DAPP1: variants seen among roughly 807,000 people sequenced by gnomAD.
DAPP1 encodes the protein dual adapter for phosphotyrosine and 3-phosphotyrosine and 3-phosphoinositide.
Under a neutral mutation model 41.5 loss-of-function variants are expected in DAPP1, and 20 were observed. The ratio of observed to expected loss-of-function variants is 0.48; its 90% CI spans 0.34 to 0.70. The LOEUF (loss-of-function observed/expected upper bound fraction) is 0.70, where lower values mean the gene tolerates loss of function less well. DAPP1 is among the 30% of genes least tolerant of loss of function. The probability of loss-of-function intolerance (pLI) is 0.01; values close to 1 mark genes in which losing one functional copy is unlikely to be tolerated. For synonymous variants in DAPP1, 113 were observed against 116.2 expected, an observed-to-expected ratio of 0.97 and a Z score of 0.18; for missense variants, 233 against 333.4, an observed-to-expected ratio of 0.70 and a Z score of 2.35.
intron 3 of DAPP1, among the ~76,000 whole-genome samples, chr4:99,842,497 C>A (rs1384069905): frequency 6.6e-6 from 1 of 152,224 alleles, no homozygotes; most frequent in Non-Finnish European, 1.5e-5. Flanking sequence ...CAGCTTTATT[C>A]CTCTTATCTG....
chr4:99,823,674 C>G (rs371626296), intron 1 of DAPP1, among the ~76,000 whole-genome samples: 1 of 152,148 alleles, frequency 6.6e-6, no homozygotes. Flanking sequence ...TGTGGACTCA[C>G]TGAAGGTTCA....
Position 99,868,393 on chromosome 4 carries a change from A to T in DAPP1, c.*208A>T. ...TGTTGCCATCTCCTTGAGAACACTG[A>T]AGCAATCACCATTCTGATAGAAAGT... On this transcript the variant is annotated 3_prime_UTR_variant, in exon 9 of 9. Transcript: ENST00000512369. 1.7e-6 allele frequency: 1 copy of T among 580,908 alleles called. No homozygotes were observed. Among genetic ancestry groups the T allele is most frequent in the Non-Finnish European group, 3.1e-6 (1 of 325,526 alleles). The allele number at this position is 580,908 out of a possible 1,614,324, so 36.0% of individuals were successfully genotyped here.
chr4:99,845,664 A>T lies in DAPP1; in HGVS notation c.358+5242A>T, dbSNP rs569383592. Among the ~76,000 whole-genome samples the T allele has an allele frequency of 1.2e-3, 182 of 152,354 alleles. 1 individual carries two copies. The highest frequency in any genetic ancestry group is 4.3e-3 in the African/African-American group (177 of 41,592). Reference sequence around the variant, plus strand: ...TAAACCTATTGTTCTAAAGAGTGTGAATCAACTTTAACTTCTGCCTTTGTA... The same window carrying T: ...TAAACCTATTGTTCTAAAGAGTGTGTATCAACTTTAACTTCTGCCTTTGTA... On this transcript the variant is annotated intron_variant, in intron 3 of 8. Coordinates refer to ENST00000512369, the MANE Select transcript of DAPP1 (RefSeq NM_014395.3).
intron 1 of DAPP1, among the ~76,000 whole-genome samples, chr4:99,835,385 C>CA (rs1655924544): frequency 6.6e-6 from 1 of 152,144 alleles, no homozygotes; most frequent in African/African-American, 2.4e-5. Context: ...GTTAGCACTT[C>CA]AACATAAGAA....
At chr4:99,827,114 T>C (rs796568769) in intron 1 of DAPP1, among the ~76,000 whole-genome samples, 17 of 152,176 alleles carry the variant, frequency 1.1e-4, no homozygotes. Context: ...CTAAAGTGCA[T>C]AACAATCACG....
chr4:99,862,912 C>A, intron 5 of DAPP1, 98 bp from the exon 6 acceptor site: 1 of 912,838 alleles, frequency 1.1e-6, no homozygotes. Context: ...TTTTTAGATA[C>A]TTTTAAAATG....
chr4:99,861,616 C>T lies in DAPP1; in HGVS notation c.528C>T (p.Gly176=). Residue 176 remains glycine, a synonymous_variant, in exon 5 of 9, where the codon GGC becomes GGT. Coordinates refer to ENST00000512369, the MANE Select transcript of DAPP1 (RefSeq NM_014395.3). ...AAGGTTACCTCACCAAACAGGGAGG[C>T]CTGGTCAAGGTAAGGAAGTGTGGTT... The part of the protein sequence containing the change: ...TKEGYLTKQG[G]LVKTWKTRWF... 1 of 1,573,590 alleles carries T rather than the reference C, an allele frequency of 6.4e-7. No homozygotes were observed. The highest frequency in any genetic ancestry group is 8.6e-7 in the Non-Finnish European group (1 of 1,158,420).
intron 4 of DAPP1, among the ~76,000 whole-genome samples, chr4:99,855,085 A>G (rs554180427): frequency 3.3e-5 from 5 of 152,350 alleles, no homozygotes; most frequent in Middle Eastern, 3.4e-3. Flanking sequence ...AACTTGAGAA[A>G]TTTAGGAGTG....
At position 99,861,601 on chromosome 4, in the gene DAPP1, C is replaced by T; in HGVS notation, c.513C>T (p.Leu171=). The change falls in exon 5 of 9, where the codon CTC becomes CTT. Residue 171 remains leucine, a synonymous_variant. Coordinates refer to ENST00000512369, the MANE Select transcript of DAPP1 (RefSeq NM_014395.3). Reference sequence around the variant, plus strand: ...AGCTGGGCACCAAAGAAGGTTACCTCACCAAACAGGGAGGCCTGGTCAAGG... The same window carrying T: ...AGCTGGGCACCAAAGAAGGTTACCTTACCAAACAGGGAGGCCTGGTCAAGG... The part of the protein sequence containing the change: ...APSLGTKEGY[L]TKQGGLVKTW... 1 of 1,574,220 alleles carries T rather than the reference C, an allele frequency of 6.4e-7. No homozygotes were observed. Among genetic ancestry groups the T allele is most frequent in the Non-Finnish European group, 8.6e-7 (1 of 1,158,748 alleles).
intron 3 of DAPP1, among the ~76,000 whole-genome samples, chr4:99,846,527 AATT>A (rs1459165244): frequency 3.3e-5 from 5 of 152,186 alleles, no homozygotes; most frequent in Non-Finnish European, 5.9e-5. Flanking sequence ...AGTATTCAAT[AATT>A]ATTATTCATA....
chr4:99,824,505 C>A (rs1301163900), intron 1 of DAPP1, among the ~76,000 whole-genome samples: 4 of 152,178 alleles, frequency 2.6e-5, no homozygotes, highest in Admixed American at 2.6e-4. Context: ...GAAGAGATAA[C>A]TAATGAAACA....
intron 1 of DAPP1, among the ~76,000 whole-genome samples, chr4:99,830,845 G>A (rs542782592): frequency 1.7e-4 from 26 of 152,164 alleles, no homozygotes; most frequent in Admixed American, 6.5e-4. Context: ...TACTCAATAA[G>A]CAGTAGTTGA....
chr4:99,855,586 GC>G (rs1724018604), intron 4 of DAPP1, among the ~76,000 whole-genome samples: 1 of 152,138 alleles, frequency 6.6e-6, no homozygotes, highest in East Asian at 1.9e-4. Flanking sequence ...ATAATGACAA[GC>G]TTATGAAGTT....
intron 4 of DAPP1, among the ~76,000 whole-genome samples, chr4:99,857,106 A>G (rs1724070281): frequency 1.3e-5 from 2 of 152,242 alleles, no homozygotes; most frequent in Admixed American, 6.5e-5. Context: ...GGGGCTAACT[A>G]TTCTTCAAAG....
intron 8 of DAPP1, among the ~76,000 whole-genome samples, chr4:99,867,330 A>G (rs543501192): frequency 3.4e-4 from 52 of 152,326 alleles, no homozygotes; most frequent in Non-Finnish European, 6.2e-4. Context: ...ATCATTATAC[A>G]AGAATTATAG....
chr4:99,853,932 G>T (rs757518897), intron 4 of DAPP1, among the ~76,000 whole-genome samples: 1 of 152,208 alleles, frequency 6.6e-6, no homozygotes, highest in African/African-American at 2.4e-5. Flanking sequence ...ATGGAAAAGA[G>T]AAGTTTGCAT....
chr4:99,867,980 G>A (rs972671457), intron 8 of DAPP1, 137 bp from the exon 9 acceptor site: 8 of 747,930 alleles, frequency 1.1e-5, no homozygotes, highest in Non-Finnish European at 1.8e-5. Flanking sequence ...GCTTATAGTT[G>A]GGGGTGAGCA....
At chr4:99,871,815 A>G (rs1164744628), downstream of DAPP1, among the ~76,000 whole-genome samples, 2 of 150,772 alleles carry the variant, frequency 1.3e-5, no homozygotes, top group African/African-American at 5.0e-5. Context: ...CTTGACTGTT[A>G]CTCAGCCCCT....
At position 99,818,689 on chromosome 4, in the gene DAPP1, A is replaced by C. The variant is rs1439096762; in HGVS notation, c.101+1675A>C. ...AAACTGAGTCACACCACTTCCCTGC[A>C]AAAAAAAAAGGGTACATTCATGGCC... is the stretch of plus-strand genomic sequence containing the variant. On this transcript the variant is annotated intron_variant, in intron 1 of 8. Coordinates refer to ENST00000512369, the MANE Select transcript of DAPP1 (RefSeq NM_014395.3). Among the ~76,000 whole-genome samples the C allele has an allele frequency of 4.1e-5, 6 of 147,572 alleles. No homozygotes were observed. The East Asian group carries it at 9.8e-4, about 24-fold the overall frequency.
Sources: gnomAD v4.1 joint callset for allele counts (sites outside exome capture counted in the v4.1 genomes callset) on GRCh38, gnomAD v4.1.1 for gene constraint, MANE v1.5 for transcripts, NCBI Gene and HGNC (gene_info 2026-07-23, HGNC 2026-07-21) for gene names.